AAK1: variants seen among roughly 807,000 people sequenced by gnomAD.
The protein encoded by AAK1 is AP2 associated kinase 1.
A neutral mutation model predicts 116.0 loss-of-function variants in AAK1; 37 were observed. The observed-to-expected ratio is 0.32, with a 90% CI of 0.25 to 0.42. The LOEUF is 0.42. Among genes scored for constraint, AAK1 ranks in the 10% least tolerant of loss-of-function variants. The probability of loss-of-function intolerance (pLI) is 1.00; values close to 1 mark genes in which losing one functional copy is unlikely to be tolerated. For missense variants in AAK1, 919 were observed against 1,170.6 expected (o/e 0.79, Z 3.14); for synonymous variants, 458 against 439.9 (o/e 1.04, Z -0.51).
At chr2:69,516,437 T>A (rs567444308) in intron 12 of AAK1, among the ~76,000 whole-genome samples, 2 of 152,176 alleles carry the variant, frequency 1.3e-5, no homozygotes, top group South Asian at 4.1e-4. Flanking sequence ...CAAAATATAT[T>A]TTCTAATTGT....
At chr2:69,524,038 TG>T (rs1160459642) in intron 10 of AAK1, among the ~76,000 whole-genome samples, 4 of 152,232 alleles carry the variant, frequency 2.6e-5, no homozygotes, top group African/African-American at 9.6e-5. Flanking sequence ...AATCCTCTTT[TG>T]GCATCTGCTT....
chr2:69,619,703 T>C (rs1674503270), intron 2 of AAK1, among the ~76,000 whole-genome samples: 1 of 152,114 alleles, frequency 6.6e-6, no homozygotes. Flanking sequence ...AAGTGACATT[T>C]AAGCAAAATA....
chr2:69,534,588 C>T (rs76866838), intron 5 of AAK1, among the ~76,000 whole-genome samples: 1,942 of 152,356 alleles, frequency 0.013, 20 homozygotes, highest in Non-Finnish European at 0.022. Flanking sequence ...TATTCAACTG[C>T]TCATTCTCCA....
intron 2 of AAK1, among the ~76,000 whole-genome samples, chr2:69,627,300 A>G (rs966694583): frequency 2.0e-5 from 3 of 151,952 alleles, no homozygotes; most frequent in Non-Finnish European, 4.4e-5. Flanking sequence ...AAAAGAGAAA[A>G]AAAAAAAAAA....
chr2:69,562,312 T>A (rs1671676149), intron 2 of AAK1, among the ~76,000 whole-genome samples: 1 of 152,194 alleles, frequency 6.6e-6, no homozygotes. Flanking sequence ...TAATTTGCAC[T>A]TCCCTATAGA....
At chr2:69,627,895 T>G (rs1559015643) in intron 2 of AAK1, among the ~76,000 whole-genome samples, 1 of 152,232 alleles carries the variant, frequency 6.6e-6, no homozygotes, top group East Asian at 1.9e-4. Flanking sequence ...GAAGCCCGTC[T>G]CTTTTCCTCA....
chr2:69,535,728 T>C (rs1670440679), intron 5 of AAK1, among the ~76,000 whole-genome samples: 2 of 151,900 alleles, frequency 1.3e-5, no homozygotes, highest in Non-Finnish European at 1.5e-5. Context: ...CTGAAGGGTC[T>C]GAGGCACAGA....
Position 69,473,211 on chromosome 2 carries a change from C to G in AAK1, c.*2658G>C. 1 of 854,460 alleles carries G rather than the reference C, an allele frequency of 1.2e-6. No homozygotes were observed. The highest frequency in any genetic ancestry group is 1.4e-6 in the Non-Finnish European group (1 of 710,496). 52.9% of individuals were successfully genotyped at this position (854,460 alleles called of 1,614,324 possible). On this transcript the variant is annotated 3_prime_UTR_variant, in exon 22 of 22. Coordinates refer to ENST00000409085, the MANE Select transcript of AAK1 (RefSeq NM_014911.5). ...TGAGATCCCAGGTGGCCTGTCCTGC[C>G]CAGGCCTCTTCTCCCCCGACCCTGT...
intron 2 of AAK1, among the ~76,000 whole-genome samples, chr2:69,617,614 C>T (rs561057077): frequency 4.6e-5 from 7 of 152,168 alleles, no homozygotes; most frequent in African/African-American, 4.8e-5. Context: ...ATAAATAAAT[C>T]GTTATTGTAA....
intron 2 of AAK1, among the ~76,000 whole-genome samples, chr2:69,557,833 T>G (rs1671450392): frequency 6.6e-6 from 1 of 152,232 alleles, no homozygotes; most frequent in Non-Finnish European, 1.5e-5. Flanking sequence ...GAATCTCCTC[T>G]TCTTTTCTTC....
At position 69,626,663 on chromosome 2, in the gene AAK1, C is replaced by CTTTT. The variant is rs1205180498; in HGVS notation, c.163+16211_163+16214dup. ...TATAGGTGCATTCCACCATGCCTGG[C>CTTTT]TTTTTTTTTTTTTTTTTGTAGAGAC... On this transcript the variant is annotated intron_variant, in intron 2 of 21. Transcript: ENST00000409085. Among the ~76,000 whole-genome samples, 177 of 125,524 alleles carry CTTTT rather than the reference C, an allele frequency of 1.4e-3. 5 individuals carry two copies. Among genetic ancestry groups the CTTTT allele is most frequent in the African/African-American group, 5.1e-3 (157 of 30,888 alleles). The allele number at this position is 125,524 out of a possible 152,430, so 82.3% of individuals were successfully genotyped here. A position where few individuals can be genotyped will look rare whatever the true frequency, so the allele number is the denominator to read the frequency against.
chr2:69,581,979 TA>T (rs1181393858), intron 2 of AAK1, among the ~76,000 whole-genome samples: 1,521 of 145,178 alleles, frequency 0.01, 26 homozygotes, highest in African/African-American at 0.034. Flanking sequence ...GCCCTGTCTT[TA>T]AAAAAAAAAA....
chr2:69,639,511 A>G (rs997640779), intron 2 of AAK1, among the ~76,000 whole-genome samples: 19 of 152,058 alleles, frequency 1.2e-4, no homozygotes, highest in Admixed American at 3.9e-4. Flanking sequence ...CTTCCCCCAA[A>G]CAGCCCCTGC....
intron 2 of AAK1, chr2:69,595,013 C>T (rs1166486865): frequency 1.3e-6 from 1 of 756,408 alleles, no homozygotes; most frequent in Non-Finnish European, 2.4e-6. Flanking sequence ...TTGGTGCTTG[C>T]CACACTTCTG....
chr2:69,518,233 T>C (rs1276610242), intron 12 of AAK1, among the ~76,000 whole-genome samples: 2 of 152,178 alleles, frequency 1.3e-5, no homozygotes, highest in Non-Finnish European at 2.9e-5. Context: ...AAATACAATC[T>C]GTTAGTATTG....
chr2:69,593,276 C>T (rs984270708), intron 2 of AAK1, among the ~76,000 whole-genome samples: 4 of 152,006 alleles, frequency 2.6e-5, no homozygotes, highest in African/African-American at 9.7e-5. Context: ...AGGAAATTGA[C>T]TAACTAGATT....
Position 69,459,502 on chromosome 2 carries a change from G to T in AAK1, c.*16367C>A, listed in dbSNP as rs1017322106. 2.6e-5 allele frequency: 4 copies of T among 152,188 alleles called. No homozygotes were observed. The highest frequency in any genetic ancestry group is 7.2e-5 in the African/African-American group (3 of 41,414). The allele number at this position is 152,188 out of a possible 1,614,324, so 9.4% of individuals were successfully genotyped here. ...TGGTCTTGAACTCATGAGCTCAAGC[G>T]ATCGGCCCAACACAGCCTCCCAGAG... is the stretch of plus-strand genomic sequence containing the variant. On this transcript the variant is annotated 3_prime_UTR_variant, in exon 22 of 22. Coordinates refer to ENST00000409085, the MANE Select transcript of AAK1 (RefSeq NM_014911.5).
intron 2 of AAK1, among the ~76,000 whole-genome samples, chr2:69,596,273 T>A (rs1053589352): frequency 6.6e-6 from 1 of 150,726 alleles, no homozygotes; most frequent in Non-Finnish European, 1.5e-5. Context: ...CAGGCTCAAG[T>A]GCAGTGGCGC....
intron 3 of AAK1, among the ~76,000 whole-genome samples, chr2:69,547,838 T>C (rs1670993062): frequency 6.6e-6 from 1 of 152,052 alleles, no homozygotes; most frequent in Admixed American, 6.6e-5. Context: ...ATAACCCAAT[T>C]CCATCAACTG....
Sources: allele counts gnomAD v4.1 joint callset (sites outside exome capture counted in the v4.1 genomes callset), GRCh38; gene constraint gnomAD v4.1.1; transcripts MANE v1.5; gene names NCBI Gene and HGNC (gene_info 2026-07-23, HGNC 2026-07-21).